The following ZCWPW1 variants were observed in gnomAD, a reference collection of about 807,000 sequenced individuals.
ZCWPW1 encodes the protein zinc finger CW-type PWWP domain protein 1.
Under a neutral mutation model 81.3 loss-of-function variants are expected in ZCWPW1, and 56 were observed. The ratio of observed to expected loss-of-function variants is 0.69; its 90% CI spans 0.56 to 0.86. The LOEUF is 0.86. Among genes scored for constraint, ZCWPW1 ranks in the 40% least tolerant of loss-of-function variants. The probability of loss-of-function intolerance (pLI) is 0.00; values close to 1 mark genes in which losing one functional copy is unlikely to be tolerated. For missense variants in ZCWPW1, 650 were observed against 769.8 expected (o/e 0.84, Z 1.84); for synonymous variants, 250 against 273.7 (o/e 0.91, Z 0.86).
chr7:100,402,652 A>G, intron 15 of ZCWPW1, 76 bp from the exon 16 acceptor site: 1 of 1,436,432 alleles, frequency 7.0e-7, no homozygotes, highest in South Asian at 1.1e-5. Flanking sequence ...AGGATGCTAC[A>G]GAATGACAGG....
intron 1 of ZCWPW1, among the ~76,000 whole-genome samples, chr7:100,428,043 G>A (rs1383644661): frequency 3.3e-5 from 5 of 151,972 alleles, no homozygotes; most frequent in Admixed American, 2.6e-4. Flanking sequence ...CAGATTCTGA[G>A]GAAAAAGGGC....
intron 6 of ZCWPW1, 33 bp from the exon 7 acceptor site, chr7:100,416,489 A>C: frequency 6.2e-7 from 1 of 1,607,294 alleles, no homozygotes; most frequent in South Asian, 1.1e-5. Context: ...ATGAAAGGTA[A>C]AAATAGAGCA....
intron 8 of ZCWPW1, among the ~76,000 whole-genome samples, chr7:100,415,088 T>TG (rs1311862418): frequency 7.0e-6 from 1 of 142,378 alleles, no homozygotes; most frequent in East Asian, 2.0e-4. Flanking sequence ...TTTTTTTTTT[T>TG]TTTTTTTTTT....
chr7:100,402,159 G>A, intron 16 of ZCWPW1, 118 bp from the exon 17 acceptor site: 1 of 1,333,836 alleles, frequency 7.5e-7, no homozygotes, highest in Non-Finnish European at 1.0e-6. Context: ...GCAATCTAGT[G>A]AGTTTTCCTG....
chr7:100,426,479 T>TGA (rs1163321672), intron 1 of ZCWPW1, among the ~76,000 whole-genome samples: 1 of 135,090 alleles, frequency 7.4e-6, no homozygotes, highest in Non-Finnish European at 1.5e-5. Flanking sequence ...GCAAAATGAG[T>TGA]GAGACTCTGT....
chr7:100,404,045 C>T (rs1035316083), intron 14 of ZCWPW1, 133 bp downstream of exon 14: 3 of 983,776 alleles, frequency 3.0e-6, no homozygotes, highest in South Asian at 1.6e-5. Context: ...ATGACATTCA[C>T]AAGAGCCTCC....
chr7:100,409,341 A>T, intron 9 of ZCWPW1, 87 bp downstream of exon 9: 1 of 1,047,388 alleles, frequency 9.5e-7, no homozygotes, highest in Non-Finnish European at 1.5e-6. Context: ...AACTATATTT[A>T]CGTAGTATTT....
intron 11 of ZCWPW1, 81 bp from the exon 12 acceptor site, chr7:100,406,879 GGGAATTCACCCAGAA>G: frequency 1.6e-6 from 2 of 1,287,624 alleles, no homozygotes; most frequent in Non-Finnish European, 2.2e-6. Context: ...TCGGGAGAAT[GGGAATTCACCCAGAA>G]GGAGGTGCTG....
At chr7:100,415,256 T>C (rs1420829712) in intron 8 of ZCWPW1, among the ~76,000 whole-genome samples, 2 of 151,624 alleles carry the variant, frequency 1.3e-5, no homozygotes, top group African/African-American at 4.8e-5. Flanking sequence ...CTAATTTTTG[T>C]ATTTTCAGTA....
rs375055540 is a variant in ZCWPW1 at position 100,401,029 on chromosome 7, C to G, written c.1935G>C (p.Ala645=). The G allele has an allele frequency of 6.1e-5, 98 of 1,608,140 alleles. No homozygotes were observed. The African/African-American group carries it at 1.2e-3, about 20-fold the overall frequency. ...GGAGCACCAGCTACTTCCCAAACAG[C>G]GCCACGGGGAAGTCCTCGCCATCAC... is the stretch of plus-strand genomic sequence containing the variant. The part of the protein sequence containing the change: ...SNSDGEDFPV[A]LFGK Residue 645 remains alanine (A), a synonymous_variant, in exon 18 of 18, where the codon GCG becomes GCC. Transcript: ENST00000684423.
At chr7:100,420,961 G>C (rs1796243210) in intron 2 of ZCWPW1, among the ~76,000 whole-genome samples, 1 of 152,138 alleles carries the variant, frequency 6.6e-6, no homozygotes, top group South Asian at 2.1e-4. Flanking sequence ...ACCAGCCTGG[G>C]CAACACGGCA....
chr7:100,407,088 GTGTT>G (rs1793169917), intron 11 of ZCWPW1, 136 bp downstream of exon 11: 2 of 740,804 alleles, frequency 2.7e-6, no homozygotes, highest in Non-Finnish European at 4.5e-6. Flanking sequence ...ACTTATCTCT[GTGTT>G]TGTCATCCTA....
chr7:100,405,861 G>A (rs991631161), intron 12 of ZCWPW1, among the ~76,000 whole-genome samples: 12 of 152,158 alleles, frequency 7.9e-5, no homozygotes, highest in African/African-American at 2.9e-4. Flanking sequence ...CTGAGCTCAG[G>A]CGATCTGCCC....
intron 5 of ZCWPW1, chr7:100,418,810 A>G: frequency 5.8e-6 from 1 of 171,270 alleles, no homozygotes; most frequent in Non-Finnish European, 1.2e-5. Flanking sequence ...AAAATAATAA[A>G]TAAGTAAATA....
At chr7:100,416,164 C>A in intron 7 of ZCWPW1, 67 bp from the exon 8 acceptor site, 1 of 1,602,584 alleles carries the variant, frequency 6.2e-7, no homozygotes, top group South Asian at 1.1e-5. Context: ...TAGTAAAGGT[C>A]AGTGAAAGAA....
chr7:100,425,310 C>T (rs186247789), intron 1 of ZCWPW1, among the ~76,000 whole-genome samples, 174 bp from the exon 2 acceptor site: 7 of 151,714 alleles, frequency 4.6e-5, no homozygotes, highest in East Asian at 3.9e-4. Flanking sequence ...TGTGGGGTTG[C>T]GGGGAAGGCT....
chr7:100,412,956 T>C (rs943814148), intron 8 of ZCWPW1, among the ~76,000 whole-genome samples: 1 of 152,068 alleles, frequency 6.6e-6, no homozygotes, highest in Non-Finnish European at 1.5e-5. Context: ...GGTATGAACA[T>C]AGCTCACTGC....
intron 8 of ZCWPW1, among the ~76,000 whole-genome samples, chr7:100,412,421 T>C (rs1794356138): frequency 6.6e-6 from 1 of 152,206 alleles, no homozygotes; most frequent in South Asian, 2.1e-4. Context: ...CACATAACTG[T>C]TCAAGACAGA....
intron 7 of ZCWPW1, 33 bp downstream of exon 7, chr7:100,416,272 G>T: frequency 6.2e-7 from 1 of 1,607,444 alleles, no homozygotes; most frequent in Non-Finnish European, 8.5e-7. Context: ...TAGTACTTGA[G>T]CCAGGCTTCA....
Sources: gnomAD v4.1 joint callset for allele counts (sites outside exome capture counted in the v4.1 genomes callset) on GRCh38, gnomAD v4.1.1 for gene constraint, MANE v1.5 for transcripts, NCBI Gene and HGNC (gene_info 2026-07-23, HGNC 2026-07-21) for gene names.